ZKSCAN1: variants seen among roughly 807,000 people sequenced by gnomAD.
The protein encoded by ZKSCAN1 is zinc finger with KRAB and SCAN domains 1.
Under a neutral mutation model 51.6 loss-of-function variants are expected in ZKSCAN1, and 14 were observed. The ratio of observed to expected loss-of-function variants is 0.27; its 90% CI spans 0.18 to 0.42. The LOEUF (loss-of-function observed/expected upper bound fraction) is 0.42, where lower values mean the gene tolerates loss of function less well. Among genes scored for constraint, ZKSCAN1 ranks in the 10% least tolerant of loss-of-function variants. The pLI is 1.00. For synonymous variants in ZKSCAN1, 263 were observed against 261.5 expected, an observed-to-expected ratio of 1.01 and a Z score of -0.06; for missense variants, 531 against 710.0, an observed-to-expected ratio of 0.75 and a Z score of 2.86.
In ZKSCAN1 at chr7:100,041,418, T is replaced by C; in HGVS notation, c.*7221T>C. ...TAATGGAATCTTAGAGGAAAAGTGG[T>C]TTTTTAAAAGCTAGGGAACTCCTCC... On this transcript the variant is annotated 3_prime_UTR_variant, in exon 6 of 6. Coordinates refer to ENST00000324306, the MANE Select transcript of ZKSCAN1 (RefSeq NM_003439.4). 1.0e-6 allele frequency: 1 copy of C among 985,346 alleles called. No individual in the cohort carries two copies. Among genetic ancestry groups the C allele is most frequent in the African/African-American group, 1.7e-5 (1 of 57,326 alleles). 61.0% of individuals were successfully genotyped at this position (985,346 alleles called of 1,614,324 possible).
chr7:100,020,866 A>G (rs1353046258), intron 1 of ZKSCAN1, among the ~76,000 whole-genome samples: 1 of 152,204 alleles, frequency 6.6e-6, no homozygotes, highest in Non-Finnish European at 1.5e-5. Context: ...GGTGAAAAGA[A>G]TAAATTCAGA....
In ZKSCAN1 at chr7:100,040,046, TTTA is replaced by T. The variant is rs1791528739; in HGVS notation, c.*5854_*5856del. The T allele has an allele frequency of 1.1e-6, 1 of 879,400 alleles. No individual in the cohort carries two copies. The highest frequency in any genetic ancestry group is 1.4e-6 in the Non-Finnish European group (1 of 733,570). 54.5% of individuals were successfully genotyped at this position (879,400 alleles called of 1,614,324 possible). On this transcript the variant is annotated 3_prime_UTR_variant, in exon 6 of 6. Coordinates refer to ENST00000324306, the MANE Select transcript of ZKSCAN1 (RefSeq NM_003439.4). ...AGCAATTATTTTGCTATTCAGATTT[TTTA>T]TTATCTGAAAATGAAATTATCTGTT...
At chr7:100,029,675 A>G (rs1017436783) in intron 3 of ZKSCAN1, among the ~76,000 whole-genome samples, 186 bp from the exon 4 acceptor site, 1 of 152,172 alleles carries the variant, frequency 6.6e-6, no homozygotes, top group Admixed American at 6.5e-5. Flanking sequence ...CTCCTGCTCA[A>G]GAGTAGAGGT....
chr7:100,041,577 A>G lies in ZKSCAN1; in HGVS notation c.*7380A>G. On this transcript the variant is annotated 3_prime_UTR_variant, in exon 6 of 6. Transcript: ENST00000324306. ...GAAGCCAGTGGCGTCTGATAAAGAA[A>G]TGTTAAGAGTAGTGAGGTTGAGGAA... 1.0e-6 allele frequency: 1 copy of G among 985,426 alleles called. No individual in the cohort carries two copies. The highest frequency in any genetic ancestry group is 1.2e-6 in the Non-Finnish European group (1 of 829,920). The allele number at this position is 985,426 out of a possible 1,614,324, so 61.0% of individuals were successfully genotyped here. A position where few individuals can be genotyped will look rare whatever the true frequency, so the allele number is the denominator to read the frequency against.
In ZKSCAN1 at chr7:100,034,638, A is replaced by G. The variant is rs751370011; in HGVS notation, c.*441A>G. 18 of 902,584 alleles carry G rather than the reference A, an allele frequency of 2.0e-5. No homozygotes were observed. Among genetic ancestry groups the G allele is most frequent in the Non-Finnish European group, 2.4e-5 (18 of 752,322 alleles). 55.9% of individuals were successfully genotyped at this position (902,584 alleles called of 1,614,324 possible). A position where few individuals can be genotyped will look rare whatever the true frequency, so the allele number is the denominator to read the frequency against. On this transcript the variant is annotated 3_prime_UTR_variant, in exon 6 of 6. Transcript: ENST00000324306. ...GCCAACATCCTGCTTATTTCTCAAA[A>G]AAGAGGGACAGTGAAAACAAAAACG... is the stretch of plus-strand genomic sequence containing the variant.
downstream of ZKSCAN1, among the ~76,000 whole-genome samples, chr7:100,045,270 G>C (rs565993276): frequency 6.6e-6 from 1 of 151,400 alleles, no homozygotes; most frequent in Non-Finnish European, 1.5e-5. Context: ...GGTGCGGTGC[G>C]GGTGCGGTGG....
At chr7:100,022,787 G>C (rs1307527417) in intron 1 of ZKSCAN1, among the ~76,000 whole-genome samples, 1 of 152,132 alleles carries the variant, frequency 6.6e-6, no homozygotes, top group African/African-American at 2.4e-5. Context: ...AAGATGGTGC[G>C]TGTACTGCTT....
At chr7:100,044,903 G>A (rs1319958225), downstream of ZKSCAN1, 3 of 985,322 alleles carry the variant, frequency 3.0e-6, no homozygotes, top group Non-Finnish European at 3.6e-6. Flanking sequence ...GGGAAGTCAC[G>A]GTTTGGTTAC....
intron 5 of ZKSCAN1, 113 bp downstream of exon 5, chr7:100,030,488 C>G (rs1381860615): frequency 1.5e-6 from 2 of 1,296,954 alleles, no homozygotes; most frequent in Non-Finnish European, 2.1e-6. Flanking sequence ...ACTACCTATC[C>G]CCTTTTGTAG....
intron 1 of ZKSCAN1, among the ~76,000 whole-genome samples, chr7:100,020,758 T>C (rs1790555059): frequency 6.6e-6 from 1 of 152,206 alleles, no homozygotes. Flanking sequence ...TAAAAATGCT[T>C]TTGCTAGTTT....
At chr7:100,017,345 C>T (rs1451382469) in intron 1 of ZKSCAN1, among the ~76,000 whole-genome samples, 1 of 152,156 alleles carries the variant, frequency 6.6e-6, no homozygotes, top group Non-Finnish European at 1.5e-5. Context: ...GCCTCCGCCT[C>T]CCGAATAGCT....
In ZKSCAN1 at chr7:100,039,396, G is replaced by A; in HGVS notation, c.*5199G>A. 6 of 985,388 alleles carry A rather than the reference G, an allele frequency of 6.1e-6. No individual in the cohort carries two copies. Among genetic ancestry groups the A allele is most frequent in the Non-Finnish European group, 6.0e-6 (5 of 829,948 alleles). The allele number at this position is 985,388 out of a possible 1,614,324, so 61.0% of individuals were successfully genotyped here. A position where few individuals can be genotyped will look rare whatever the true frequency, so the allele number is the denominator to read the frequency against. On this transcript the variant is annotated 3_prime_UTR_variant, in exon 6 of 6. Coordinates refer to ENST00000324306, the MANE Select transcript of ZKSCAN1 (RefSeq NM_003439.4). ...GCATTTCCCGGAATTGTGTGCAGAT[G>A]CATCCAGTCGTGGCATTGCAAGAAG...
Position 100,023,331 on chromosome 7 carries a change from C to A in ZKSCAN1, c.-88-88C>A, listed in dbSNP as rs1029921732. 20 of 686,748 alleles carry A rather than the reference C, an allele frequency of 2.9e-5. 1 individual carries two copies. Among genetic ancestry groups the A allele is most frequent in the Admixed American group, 1.6e-4 (5 of 30,892 alleles). The allele number at this position is 686,748 out of a possible 1,614,324, so 42.5% of individuals were successfully genotyped here. A position where few individuals can be genotyped will look rare whatever the true frequency, so the allele number is the denominator to read the frequency against. On this transcript the variant is annotated intron_variant, in intron 1 of 5. Coordinates refer to ENST00000324306, the MANE Select transcript of ZKSCAN1 (RefSeq NM_003439.4). ...CGGCCTCAGGAGCGTTCTGATAGTG[C>A]CTCGATGTGCTGCCTCCTATAAAGT...
In ZKSCAN1 at chr7:100,039,521, GGA is replaced by G; in HGVS notation, c.*5330_*5331del. ...TTCTTCCCCTGGTTTGTGATTATTA[GGA>G]GAGAGGTTTTGCAAAGACTCGTTGC... is the stretch of plus-strand genomic sequence containing the variant. On this transcript the variant is annotated 3_prime_UTR_variant, in exon 6 of 6. Coordinates refer to ENST00000324306, the MANE Select transcript of ZKSCAN1 (RefSeq NM_003439.4). 8 of 985,304 alleles carry G rather than the reference GGA, an allele frequency of 8.1e-6. No individual in the cohort carries two copies. The highest frequency in any genetic ancestry group is 9.6e-6 in the Non-Finnish European group (8 of 829,906). 61.0% of individuals were successfully genotyped at this position (985,304 alleles called of 1,614,324 possible).
Position 100,034,053 on chromosome 7 carries a change from C to A in ZKSCAN1, c.1548C>A (p.Pro516=), listed in dbSNP as rs759568818. The A allele has an allele frequency of 2.5e-6, 4 of 1,613,902 alleles. No individual in the cohort carries two copies. Among genetic ancestry groups the A allele is most frequent in the Admixed American group, 1.7e-5 (1 of 59,984 alleles). The part of the protein sequence containing the change: ...LHRRIHTREK[P]YKCTKCGKAF... ...GGAGAATTCACACTCGAGAAAAGCC[C>A]TACAAGTGCACTAAGTGTGGCAAGG... is the stretch of plus-strand genomic sequence containing the variant. Residue 516 remains proline (P), a synonymous_variant, in exon 6 of 6, where the codon CCC becomes CCA. Transcript: ENST00000324306.
At chr7:100,030,012 T>C in intron 4 of ZKSCAN1, 60 bp downstream of exon 4, 3 of 1,577,728 alleles carry the variant, frequency 1.9e-6, no homozygotes, top group Non-Finnish European at 2.6e-6. Flanking sequence ...TCCTGAGCTC[T>C]CTTCATTATC....
At chr7:100,020,520 A>G (rs1358621610) in intron 1 of ZKSCAN1, among the ~76,000 whole-genome samples, 1 of 152,108 alleles carries the variant, frequency 6.6e-6, no homozygotes, top group Non-Finnish European at 1.5e-5. Context: ...ATTAAAAAAA[A>G]TAAGTATGGC....
Position 100,029,877 on chromosome 7 carries a change from C to G in ZKSCAN1, c.597C>G (p.His199Gln), listed in dbSNP as rs1171310061. Residue 199 changes from histidine (H) to glutamine (Q), a missense_variant, in exon 4 of 6, where the codon CAC (histidine) becomes CAG (glutamine). Around this residue, in one of 2 missense-constraint regions of ZKSCAN1, gnomAD observed 403 missense variants for 490.5 expected, o/e 0.82. Transcript: ENST00000324306. Reference sequence around the variant, plus strand: ...CTCCCCCAGCTCTTCCTGCTGCCCACATTCCTGCACCCCCTCATGAGGGTA... The same window carrying G: ...CTCCCCCAGCTCTTCCTGCTGCCCAGATTCCTGCACCCCCTCATGAGGGTA... The part of the protein sequence containing the change: ...LLQSRALPAA[H>Q]IPAPPHEGSP... 3.7e-6 allele frequency: 6 copies of G among 1,614,052 alleles called. No homozygotes were observed. Among genetic ancestry groups the G allele is most frequent in the Non-Finnish European group, 4.2e-6 (5 of 1,180,016 alleles).
chr7:100,022,806 G>A (rs1790645570), intron 1 of ZKSCAN1, among the ~76,000 whole-genome samples: 1 of 152,120 alleles, frequency 6.6e-6, no homozygotes, highest in Non-Finnish European at 1.5e-5. Flanking sequence ...TTTAAGCCTG[G>A]CACCTGGCAC....
Sources: gnomAD v4.1 joint callset for allele counts (sites outside exome capture counted in the v4.1 genomes callset) on GRCh38, gnomAD v4.1.1 for gene constraint, gnomAD v4.1.1 regional missense constraint, MANE v1.5 for transcripts, NCBI Gene and HGNC (gene_info 2026-07-23, HGNC 2026-07-21) for gene names.